CSMD2: variants seen among roughly 807,000 people sequenced by gnomAD.
CSMD2 encodes CUB and Sushi multiple domains 2, also known as CUB and sushi domain-containing protein 2.
Under a neutral mutation model 398.5 loss-of-function variants are expected in CSMD2, and 130 were observed. That is an observed-to-expected ratio of 0.33 (90% CI 0.28 to 0.38). CSMD2 has a LOEUF of 0.38. CSMD2 is among the 10% of genes least tolerant of loss of function. CSMD2 has a pLI of 1.00. For missense variants in CSMD2, 3,829 were observed against 4,764.9 expected (o/e 0.80, Z 5.78); for synonymous variants, 1,828 against 1,908.5 (o/e 0.96, Z 1.10).
At chr1:33,749,918 T>C (rs1377783871) in intron 13 of CSMD2, among the ~76,000 whole-genome samples, 2 of 152,166 alleles carry the variant, frequency 1.3e-5, no homozygotes, top group African/African-American at 4.8e-5. Flanking sequence ...TTGATTTTGA[T>C]ACAATACTCC....
At chr1:33,776,539 A>G (rs1176419183) in intron 12 of CSMD2, among the ~76,000 whole-genome samples, 1 of 152,122 alleles carries the variant, frequency 6.6e-6, no homozygotes, top group East Asian at 1.9e-4. Flanking sequence ...GCCTAGATGG[A>G]TTGCCATGCA....
At position 33,742,584 on chromosome 1, in the gene CSMD2, C is replaced by CCCT. The variant is rs1553190869; in HGVS notation, c.2173+695_2173+696insAGG. Among the ~76,000 whole-genome samples the CCCT allele has an allele frequency of 4.2e-4, 59 of 139,194 alleles. 1 individual carries two copies. The highest frequency in any genetic ancestry group is 3.6e-3 in the Middle Eastern group (1 of 274). The allele number at this position is 139,194 out of a possible 152,430, so 91.3% of individuals were successfully genotyped here. ...TCTAGTCACCAAGCTTCTGCCCCCC[C>CCCT]CCCCCCAACCCCCTCTGTAACCACG... On this transcript the variant is annotated intron_variant, in intron 14 of 70. Coordinates refer to ENST00000373381, the MANE Select transcript of CSMD2 (RefSeq NM_001281956.2).
At chr1:33,525,849 T>A (rs1252722307) in intron 65 of CSMD2, among the ~76,000 whole-genome samples, 1 of 152,138 alleles carries the variant, frequency 6.6e-6, no homozygotes, top group African/African-American at 2.4e-5. Flanking sequence ...CATGCCCGGC[T>A]AATTTTGTAT....
chr1:33,917,486 G>A (rs373747578), intron 5 of CSMD2, among the ~76,000 whole-genome samples: 1 of 152,188 alleles, frequency 6.6e-6, no homozygotes, highest in African/African-American at 2.4e-5. Flanking sequence ...GATAAGCAAC[G>A]ATGGCTTCAA....
chr1:33,671,965 C>T (rs1195430700), intron 25 of CSMD2, among the ~76,000 whole-genome samples: 2 of 151,152 alleles, frequency 1.3e-5, no homozygotes, highest in Non-Finnish European at 2.9e-5. Flanking sequence ...CAGTTTATCT[C>T]TATCCCATTG....
chr1:34,124,061 T>A (rs1311206609), intron 1 of CSMD2, among the ~76,000 whole-genome samples: 1 of 152,210 alleles, frequency 6.6e-6, no homozygotes, highest in Non-Finnish European at 1.5e-5. Flanking sequence ...GGCAAAATAA[T>A]CTTCCAAAAT....
chr1:34,006,996 C>T (rs1020069092), intron 3 of CSMD2, among the ~76,000 whole-genome samples: 1 of 152,242 alleles, frequency 6.6e-6, no homozygotes, highest in East Asian at 1.9e-4. Flanking sequence ...TAGCTCACTG[C>T]CTCTGGAGAT....
intron 55 of CSMD2, among the ~76,000 whole-genome samples, chr1:33,551,201 A>T (rs1657414188): frequency 6.6e-6 from 1 of 152,242 alleles, no homozygotes; most frequent in South Asian, 2.1e-4. Flanking sequence ...AGAGACAGCA[A>T]GGAAGCCAAG....
chr1:34,162,850 A>C (rs889822546), intron 1 of CSMD2, among the ~76,000 whole-genome samples: 1 of 151,914 alleles, frequency 6.6e-6, no homozygotes, highest in Non-Finnish European at 1.5e-5. Flanking sequence ...GAAGAGCAAA[A>C]CTCCGTCTTA....
rs1182467948 is a variant in CSMD2 at position 34,163,498 on chromosome 1, G to A, written c.187+1413C>T. On this transcript the variant is annotated intron_variant, in intron 1 of 70. Transcript: ENST00000373381. The surrounding 1 kb of genome is among the most constrained non-coding windows in gnomAD (Gnocchi z 5.4). ...TTAAGCGGTGGGCGACACGGTCTGC[G>A]AGGACAGACTCACAAGACGCTGAAG... Among the ~76,000 whole-genome samples the A allele has an allele frequency of 6.6e-6, 1 of 152,080 alleles. No individual in the cohort carries two copies. The highest frequency in any genetic ancestry group is 1.5e-5 in the Non-Finnish European group (1 of 68,018).
At chr1:33,823,370 G>C (rs1658389995) in intron 7 of CSMD2, among the ~76,000 whole-genome samples, 2 of 146,000 alleles carry the variant, frequency 1.4e-5, no homozygotes, top group South Asian at 4.5e-4. Context: ...GAATTATGGA[G>C]GCAAGAAGTG....
intron 56 of CSMD2, among the ~76,000 whole-genome samples, chr1:33,546,450 A>AAGGCAG (rs1656903153): frequency 1.3e-5 from 2 of 152,188 alleles, no homozygotes; most frequent in African/African-American, 4.8e-5. Flanking sequence ...GGGAAGCAAG[A>AAGGCAG]AGGCAGAGGA....
chr1:33,549,256 C>T (rs974031254), intron 56 of CSMD2, among the ~76,000 whole-genome samples: 3 of 152,160 alleles, frequency 2.0e-5, no homozygotes, highest in Non-Finnish European at 4.4e-5. Context: ...TGATCCTTTC[C>T]TCTGAAGGGA....
At chr1:33,538,239 A>C (rs1557500562) in intron 60 of CSMD2, among the ~76,000 whole-genome samples, 1 of 151,806 alleles carries the variant, frequency 6.6e-6, no homozygotes, top group African/African-American at 2.4e-5. Flanking sequence ...TCTAGGAGTG[A>C]ACTTATTATT....
chr1:34,000,269 G>A (rs1355230587), intron 3 of CSMD2, among the ~76,000 whole-genome samples: 6 of 151,978 alleles, frequency 3.9e-5, no homozygotes, highest in African/African-American at 1.5e-4. Context: ...GGAGTGTCCC[G>A]CGGAAACCTC....
chr1:33,845,840 C>T (rs944026613), intron 6 of CSMD2, among the ~76,000 whole-genome samples: 10 of 152,252 alleles, frequency 6.6e-5, no homozygotes, highest in African/African-American at 2.4e-4. Context: ...GAAAGCCTGG[C>T]CCTAGGAGCC....
intron 3 of CSMD2, among the ~76,000 whole-genome samples, chr1:33,993,602 T>C (rs969321491): frequency 2.6e-5 from 4 of 152,200 alleles, no homozygotes; most frequent in Non-Finnish European, 4.4e-5. Context: ...TTGCTACTTC[T>C]ACCTCCAGCC....
chr1:33,651,984 G>A (rs1453185986), intron 28 of CSMD2, among the ~76,000 whole-genome samples: 1 of 152,066 alleles, frequency 6.6e-6, no homozygotes, highest in Non-Finnish European at 1.5e-5. Context: ...GGTGGAAGGG[G>A]CCGGGGAAGC....
chr1:33,550,299 T>C lies in CSMD2; in HGVS notation c.8795A>G (p.Asp2932Gly). ...GSPPHSQMSG[D>G]SYTVGAVVRY... Reference sequence around the variant, plus strand: ...CACCACTGCTCCCACAGTATAACTGTCTCCAGACATCTGGGAGTGAGGCGG... The same window carrying C: ...CACCACTGCTCCCACAGTATAACTGCCTCCAGACATCTGGGAGTGAGGCGG... Residue 2932 changes from aspartate to glycine, a missense_variant, in exon 56 of 71, where the codon GAC becomes GGC. Physicochemically the swap from Asp to Gly is moderately conservative, Grantham distance 94. Around this residue, in one of 5 missense-constraint regions of CSMD2, gnomAD observed 917 missense variants for 1,199.5 expected, o/e 0.76. Transcript: ENST00000373381. 6.2e-7 allele frequency: 1 copy of C among 1,614,094 alleles called. No individual in the cohort carries two copies. Among genetic ancestry groups the C allele is most frequent in the Non-Finnish European group, 8.5e-7 (1 of 1,179,976 alleles).
Sources: gnomAD v4.1 joint callset for allele counts (sites outside exome capture counted in the v4.1 genomes callset) on GRCh38, gnomAD v4.1.1 for gene constraint, gnomAD v4.1.1 regional missense constraint, Gnocchi (gnomAD v3.1) non-coding constraint, MANE v1.5 for transcripts, NCBI Gene and HGNC (gene_info 2026-07-23, HGNC 2026-07-21) for gene names.